Variants in NFATC1 observed in about 807,000 individuals in gnomAD.
NFATC1 encodes nuclear factor of activated T-cells, cytoplasmic 1.
NFATC1 carries 22 observed loss-of-function variants against 76.0 expected under a neutral mutation model. The ratio of observed to expected loss-of-function variants is 0.29; its 90% CI spans 0.21 to 0.41. The LOEUF is 0.41. NFATC1 is among the 10% of genes least tolerant of loss of function. NFATC1 has a pLI of 1.00. For missense variants in NFATC1, 1,357 were observed against 1,337.7 expected (o/e 1.01, Z -0.23); for synonymous variants, 704 against 613.1 (o/e 1.15, Z -2.19).
chr18:79,400,295 G>A, intron 1 of NFATC1: 2 of 1,249,380 alleles, frequency 1.6e-6, no homozygotes, highest in Admixed American at 4.4e-5. Flanking sequence ...GAGGGGCGGG[G>A]GTCACGTTAC....
At chr18:79,404,864 G>A (rs928886529) in intron 1 of NFATC1, among the ~76,000 whole-genome samples, 1 of 152,226 alleles carries the variant, frequency 6.6e-6, no homozygotes, top group African/African-American at 2.4e-5. Flanking sequence ...AGGTTAGAAT[G>A]CTGTGCACCT....
chr18:79,467,721 G>T, intron 8 of NFATC1, 139 bp downstream of exon 8: 1 of 1,315,278 alleles, frequency 7.6e-7, no homozygotes, highest in Non-Finnish European at 9.7e-7. Context: ...GTGAGACCGA[G>T]CCATCGATGC....
At position 79,411,441 on chromosome 18, in the gene NFATC1, T is replaced by C; in HGVS notation, c.1166T>C (p.Val389Ala). 1 of 1,522,756 alleles carries C rather than the reference T, an allele frequency of 6.6e-7. No individual in the cohort carries two copies. The highest frequency in any genetic ancestry group is 8.8e-7 in the Non-Finnish European group (1 of 1,138,396). The allele number at this position is 1,522,756 out of a possible 1,614,324, so 94.3% of individuals were successfully genotyped here. The change falls in exon 2 of 10, where the codon GTG (valine) becomes GCG (alanine). Residue 389 changes from valine to alanine, a missense_variant. Physicochemically the swap from Val to Ala is moderately conservative, Grantham distance 64. This residue lies in a region of NFATC1 where 691 missense variants were observed against 613.1 expected (regional missense o/e 1.13). Coordinates refer to ENST00000427363, the MANE Select transcript of NFATC1 (RefSeq NM_001278669.2). ...KGGFCDQYLA[V>A]PQHPYQWAKP... ...GGCTTCTGCGACCAGTACCTGGCGGTGCCGCAGCACCCCTACCAGTGGGCG... is the reference window on the plus strand; with the variant it reads ...GGCTTCTGCGACCAGTACCTGGCGGCGCCGCAGCACCCCTACCAGTGGGCG...
At chr18:79,485,000 G>A (rs1667667) in intron 8 of NFATC1, among the ~76,000 whole-genome samples, 64,511 of 152,160 alleles carry the variant, frequency 0.42, 14,902 homozygotes, top group Middle Eastern at 0.65. Context: ...TGGACTCACG[G>A]GCTCAAGCCC....
chr18:79,526,093 G>A (rs910031773), intron 9 of NFATC1, among the ~76,000 whole-genome samples: 5 of 152,256 alleles, frequency 3.3e-5, no homozygotes, highest in African/African-American at 7.2e-5. Flanking sequence ...TTCTCTCTGC[G>A]TTGTGCCGAG....
intron 1 of NFATC1, among the ~76,000 whole-genome samples, chr18:79,403,314 C>G (rs1254190101): frequency 1.3e-5 from 2 of 152,258 alleles, no homozygotes; most frequent in African/African-American, 4.8e-5. Flanking sequence ...ATTCAGTAAC[C>G]ATTTGTTGGG....
chr18:79,452,814 C>T (rs111262296), intron 6 of NFATC1, among the ~76,000 whole-genome samples: 2,154 of 152,280 alleles, frequency 0.014, 54 homozygotes, highest in African/African-American at 0.049. Context: ...GAGGGGCATG[C>T]CCCCACAAGG....
At chr18:79,402,457 C>T (rs1263501834) in intron 1 of NFATC1, 6 of 939,654 alleles carry the variant, frequency 6.4e-6, no homozygotes, top group South Asian at 9.8e-5. Context: ...TGAGTGAAGC[C>T]GTGAACCTCA....
intron 9 of NFATC1, among the ~76,000 whole-genome samples, chr18:79,498,649 A>G (rs11663866): frequency 0.064 from 9,718 of 152,292 alleles, 413 homozygotes; most frequent in Admixed American, 0.097. Flanking sequence ...TTGATGGAAA[A>G]CATTATTCAG....
intron 9 of NFATC1, among the ~76,000 whole-genome samples, chr18:79,503,627 G>A (rs2090059248): frequency 6.6e-6 from 1 of 152,180 alleles, no homozygotes; most frequent in Admixed American, 6.5e-5. Context: ...CGGGGTGGCA[G>A]ATGGACACTG....
intron 8 of NFATC1, among the ~76,000 whole-genome samples, chr18:79,479,678 C>A (rs1256738448): frequency 6.6e-6 from 1 of 152,254 alleles, no homozygotes; most frequent in Non-Finnish European, 1.5e-5. Context: ...TAGCAGAGAA[C>A]ATCCCGCTGC....
chr18:79,481,769 T>C (rs1192229634), intron 8 of NFATC1, among the ~76,000 whole-genome samples: 1 of 152,178 alleles, frequency 6.6e-6, no homozygotes, highest in East Asian at 1.9e-4. Context: ...TGGGGTGTAA[T>C]TCCAGCGTGA....
intron 9 of NFATC1, chr18:79,515,909 A>G (rs1192934110): frequency 6.6e-6 from 1 of 151,912 alleles, no homozygotes; most frequent in Non-Finnish European, 1.5e-5. Context: ...GAAAACTGCA[A>G]GTGGTGGTTT....
At chr18:79,499,862 A>G (rs1456211832) in intron 9 of NFATC1, among the ~76,000 whole-genome samples, 1 of 152,198 alleles carries the variant, frequency 6.6e-6, no homozygotes, top group Non-Finnish European at 1.5e-5. Context: ...TAAGATAAAA[A>G]TATTACTAGA....
At chr18:79,491,986 C>T (rs541135682) in intron 9 of NFATC1, among the ~76,000 whole-genome samples, 72 of 152,354 alleles carry the variant, frequency 4.7e-4, no homozygotes, top group Admixed American at 2.5e-3. Flanking sequence ...GGGCTCCTCA[C>T]GCCCAGTGAT....
chr18:79,494,230 T>TCGACCTGGTGC (rs2089794766), intron 9 of NFATC1, among the ~76,000 whole-genome samples: 19 of 55,668 alleles, frequency 3.4e-4, no homozygotes, highest in Admixed American at 1.9e-3. Flanking sequence ...CAACCTGGTG[T>TCGACCTGGTGC]GGCCGGGGGA....
rs2090776593 is a variant in NFATC1 at position 79,526,780 on chromosome 18, C to T, written c.2783-748C>T. On this transcript the variant is annotated intron_variant, in intron 9 of 9. Transcript: ENST00000427363. ...ACTACTAATTGCTCCAGGAAGCCGC[C>T]CTGAGACAGGCCGGGGCCTTTGCAG... is the stretch of plus-strand genomic sequence containing the variant. Among the ~76,000 whole-genome samples, 3 of 152,216 alleles carry T rather than the reference C, an allele frequency of 2.0e-5. No individual in the cohort carries two copies. In the South Asian group the frequency reaches 6.2e-4, roughly 32 times the overall value.
At chr18:79,509,680 T>A (rs2090198611) in intron 9 of NFATC1, among the ~76,000 whole-genome samples, 1 of 152,220 alleles carries the variant, frequency 6.6e-6, no homozygotes, top group African/African-American at 2.4e-5. Flanking sequence ...TACAGAAGGT[T>A]CTGGAAGGTG....
At chr18:79,433,482 G>A in intron 2 of NFATC1, 97 bp from the exon 3 acceptor site, 9 of 1,417,444 alleles carry the variant, frequency 6.3e-6, no homozygotes, top group Non-Finnish European at 8.9e-6. Flanking sequence ...CGCCGATGAA[G>A]TGTCCACCCA....
Sources: gnomAD v4.1 joint callset for allele counts (sites outside exome capture counted in the v4.1 genomes callset) on GRCh38, gnomAD v4.1.1 for gene constraint, gnomAD v4.1.1 regional missense constraint, MANE v1.5 for transcripts, NCBI Gene and HGNC (gene_info 2026-07-23, HGNC 2026-07-21) for gene names.